GPR63: variants seen among roughly 807,000 people sequenced by gnomAD.
The protein encoded by GPR63 is G protein-coupled receptor 63.
Under a neutral mutation model 23.1 loss-of-function variants are expected in GPR63, and 12 were observed. The ratio of observed to expected loss-of-function variants is 0.52; its 90% confidence interval spans 0.33 to 0.84. The LOEUF (loss-of-function observed/expected upper bound fraction) is 0.84, where lower values mean the gene tolerates loss of function less well. Among genes scored for constraint, GPR63 ranks in the 40% least tolerant of loss-of-function variants. The probability of loss-of-function intolerance (pLI) is 0.02; values close to 1 mark genes in which losing one functional copy is unlikely to be tolerated. For synonymous variants in GPR63, 172 were observed against 191.1 expected, an observed-to-expected ratio of 0.90 and a Z score of 0.82; for missense variants, 472 against 515.6, an observed-to-expected ratio of 0.92 and a Z score of 0.82.
rs1773547221 is a variant in GPR63, at chr6:96,795,022, T to A, written c.*3450A>T. ...AGATGATATTTAAATAGATATATTT[T>A]CTACAGGAATGTTTCCTGAAGAGTT... On this transcript the variant is annotated 3_prime_UTR_variant, in exon 2 of 2. Coordinates refer to ENST00000229955, the MANE Select transcript of GPR63 (RefSeq NM_030784.4). The A allele has an allele frequency of 6.6e-6, 1 of 152,174 alleles. No individual in the cohort carries two copies. The highest frequency in any genetic ancestry group is 2.1e-4 in the South Asian group (1 of 4,820). The allele number at this position is 152,174 out of a possible 1,614,324, so 9.4% of individuals were successfully genotyped here.
At chr6:96,812,056 A>G (rs1289718607) in intron 1 of GPR63, among the ~76,000 whole-genome samples, 2 of 152,114 alleles carry the variant, frequency 1.3e-5, no homozygotes, top group Non-Finnish European at 2.9e-5. Context: ...CAAACCAAAA[A>G]GGAATATACA....
intron 1 of GPR63, among the ~76,000 whole-genome samples, chr6:96,826,226 T>C (rs1273536510): frequency 1.3e-5 from 2 of 152,072 alleles, no homozygotes; most frequent in Admixed American, 6.6e-5. Context: ...AGCCTAGATA[T>C]ATGAAGGAAC....
At chr6:96,816,852 C>T (rs1170167422) in intron 1 of GPR63, among the ~76,000 whole-genome samples, 3 of 152,290 alleles carry the variant, frequency 2.0e-5, no homozygotes, top group East Asian at 1.9e-4. Context: ...AAAGATGTCA[C>T]TCTTGGAATA....
At chr6:96,824,179 G>A (rs888983232) in intron 1 of GPR63, among the ~76,000 whole-genome samples, 3 of 151,786 alleles carry the variant, frequency 2.0e-5, no homozygotes, top group Non-Finnish European at 4.4e-5. Context: ...TAGGTCCTGG[G>A]GAATAAGAGC....
chr6:96,831,855 G>A (rs201384121), intron 1 of GPR63, among the ~76,000 whole-genome samples: 5 of 151,790 alleles, frequency 3.3e-5, no homozygotes, highest in East Asian at 3.9e-4. Context: ...GCTGTGAGCC[G>A]AGATCGCGCC....
chr6:96,828,767 T>A (rs1774506452), intron 1 of GPR63, among the ~76,000 whole-genome samples: 1 of 152,092 alleles, frequency 6.6e-6, no homozygotes, highest in Admixed American at 6.5e-5. Flanking sequence ...AAGAGACACA[T>A]CTAAAATCAT....
At chr6:96,828,234 G>A (rs1436971697) in intron 1 of GPR63, among the ~76,000 whole-genome samples, 3 of 152,034 alleles carry the variant, frequency 2.0e-5, no homozygotes, top group Admixed American at 6.6e-5. Context: ...TTGTAGACAC[G>A]TATGATCTTA....
chr6:96,816,096 TG>T (rs1774156566), intron 1 of GPR63, among the ~76,000 whole-genome samples: 1 of 152,222 alleles, frequency 6.6e-6, no homozygotes, highest in Non-Finnish European at 1.5e-5. Context: ...GATTCTTATT[TG>T]TTAATACAGG....
intron 1 of GPR63, among the ~76,000 whole-genome samples, chr6:96,829,852 GA>G (rs957467364): frequency 2.0e-5 from 3 of 150,726 alleles, no homozygotes; most frequent in South Asian, 2.1e-4. Context: ...TAAAAACATT[GA>G]AAAAAAAGAG....
At chr6:96,836,797 T>C (rs557641917) in intron 1 of GPR63, among the ~76,000 whole-genome samples, 1 of 152,214 alleles carries the variant, frequency 6.6e-6, no homozygotes, top group African/African-American at 2.4e-5. Context: ...AAAGGACCTT[T>C]CGCTCTCGCA....
chr6:96,813,066 C>T (rs1204072328), intron 1 of GPR63, among the ~76,000 whole-genome samples: 2 of 152,072 alleles, frequency 1.3e-5, no homozygotes, highest in Non-Finnish European at 2.9e-5. Flanking sequence ...GACATAGCTT[C>T]TTTAGCTCCC....
At chr6:96,817,226 C>A (rs1774187131) in intron 1 of GPR63, among the ~76,000 whole-genome samples, 1 of 152,046 alleles carries the variant, frequency 6.6e-6, no homozygotes, top group Non-Finnish European at 1.5e-5. Context: ...ACGGCCAAAA[C>A]AAAACAGTAC....
At chr6:96,806,198 G>A (rs1055819178) in intron 1 of GPR63, among the ~76,000 whole-genome samples, 2 of 152,272 alleles carry the variant, frequency 1.3e-5, no homozygotes. Flanking sequence ...TAAGACACAT[G>A]TGCGACAGAG....
chr6:96,818,853 G>C (rs137966080), intron 1 of GPR63, among the ~76,000 whole-genome samples: 43 of 151,696 alleles, frequency 2.8e-4, no homozygotes, highest in African/African-American at 9.9e-4. Context: ...TCAAAAAGTG[G>C]GTAAAGGATG....
intron 1 of GPR63, among the ~76,000 whole-genome samples, chr6:96,804,773 C>T (rs1403026799): frequency 2.0e-5 from 3 of 152,070 alleles, no homozygotes; most frequent in Non-Finnish European, 4.4e-5. Flanking sequence ...GTAGATTTAG[C>T]TGTCACAGCA....
chr6:96,809,312 G>C (rs1253028411), intron 1 of GPR63, among the ~76,000 whole-genome samples: 1 of 152,130 alleles, frequency 6.6e-6, no homozygotes, highest in Admixed American at 6.6e-5. Flanking sequence ...GTTAACTAAT[G>C]TGTCTAACTG....
chr6:96,801,924 T>C (rs1051414594), intron 1 of GPR63, among the ~76,000 whole-genome samples: 2 of 152,164 alleles, frequency 1.3e-5, no homozygotes, highest in Non-Finnish European at 2.9e-5. Context: ...TCAGCCTCTA[T>C]AGAAGTACCC....
chr6:96,818,629 T>A (rs1774222862), intron 1 of GPR63, among the ~76,000 whole-genome samples: 1 of 152,210 alleles, frequency 6.6e-6, no homozygotes, highest in African/African-American at 2.4e-5. Context: ...TGCTAGCATA[T>A]TGAGTGAAGA....
chr6:96,805,817 C>A (rs11751011), intron 1 of GPR63, among the ~76,000 whole-genome samples: 4,976 of 152,292 alleles, frequency 0.033, 128 homozygotes, highest in Middle Eastern at 0.068. Context: ...CAAGGACTTG[C>A]AAGAAGAAGG....
Sources: allele counts gnomAD v4.1 joint callset (sites outside exome capture counted in the v4.1 genomes callset), GRCh38; gene constraint gnomAD v4.1.1; transcripts MANE v1.5; gene names NCBI Gene and HGNC (gene_info 2026-07-23, HGNC 2026-07-21).